THSD7B: variants seen among roughly 807,000 people sequenced by gnomAD.
The protein encoded by THSD7B is thrombospondin type-1 domain-containing protein 7B.
In THSD7B, 138 loss-of-function variants were observed where a neutral mutation model predicts 213.6. That is an observed-to-expected ratio of 0.65 (90% confidence interval 0.56 to 0.74). THSD7B has a LOEUF of 0.74. Among genes scored for constraint, THSD7B ranks in the 30% least tolerant of loss-of-function variants. The probability of loss-of-function intolerance (pLI) is 0.00; values close to 1 mark genes in which losing one functional copy is unlikely to be tolerated. For missense variants in THSD7B, 1,931 were observed against 1,991.5 expected (o/e 0.97, Z 0.58); for synonymous variants, 742 against 687.0 (o/e 1.08, Z -1.25).
intron 2 of THSD7B, among the ~76,000 whole-genome samples, chr2:137,053,682 T>G (rs1327959207): frequency 6.6e-6 from 1 of 152,156 alleles, no homozygotes; most frequent in Non-Finnish European, 1.5e-5. Context: ...TTTTGAAGAT[T>G]GACCAGAAAT....
intron 15 of THSD7B, among the ~76,000 whole-genome samples, chr2:137,536,754 C>A (rs1680514784): frequency 1.3e-5 from 2 of 151,388 alleles, no homozygotes; most frequent in South Asian, 4.2e-4. Flanking sequence ...ATTCAAATTT[C>A]CATATCTAAT....
chr2:137,289,561 GAC>G (rs151187209), intron 12 of THSD7B, among the ~76,000 whole-genome samples: 3,401 of 152,156 alleles, frequency 0.022, 53 homozygotes, highest in East Asian at 0.052. Context: ...TGTAAACAAA[GAC>G]AGAAAAATGA....
chr2:137,541,203 G>A (rs1016283036), intron 15 of THSD7B, among the ~76,000 whole-genome samples: 1 of 151,444 alleles, frequency 6.6e-6, no homozygotes, highest in South Asian at 2.1e-4. Context: ...ATAACAAATA[G>A]CAACAACAAC....
intron 12 of THSD7B, among the ~76,000 whole-genome samples, chr2:137,289,650 A>G (rs1683276040): frequency 6.6e-6 from 1 of 152,136 alleles, no homozygotes; most frequent in Admixed American, 6.5e-5. Flanking sequence ...TTAAATAATA[A>G]TTTTGGGACT....
At chr2:136,972,950 C>T (rs1685427325) in intron 2 of THSD7B, among the ~76,000 whole-genome samples, 1 of 152,112 alleles carries the variant, frequency 6.6e-6, no homozygotes, top group South Asian at 2.1e-4. Flanking sequence ...CTTCTCTCTT[C>T]TCCTCACTCC....
chr2:137,546,361 AT>A lies in THSD7B; in HGVS notation c.3139-16858del, dbSNP rs555282190. ...AGTATTGAAGTCAGCATATATATATATTATATATATATATAATATATATATT... is the reference window on the plus strand; with the variant it reads ...AGTATTGAAGTCAGCATATATATATATATATATATATATAATATATATATT... On this transcript the variant is annotated intron_variant, in intron 15 of 27. Coordinates refer to ENST00000409968, the MANE Select transcript of THSD7B (RefSeq NM_001316349.2). 1.1e-3 allele frequency among the ~76,000 whole-genome samples: 63 copies of A among 56,836 alleles called. 5 individuals carry two copies. The East Asian group carries it at 0.013, about 12-fold the overall frequency. 37.3% of individuals were successfully genotyped at this position (56,836 alleles called of 152,430 possible). A position where few individuals can be genotyped will look rare whatever the true frequency, so the allele number is the denominator to read the frequency against.
At chr2:137,331,975 C>T (rs1193180316) in intron 12 of THSD7B, among the ~76,000 whole-genome samples, 2 of 152,178 alleles carry the variant, frequency 1.3e-5, no homozygotes, top group African/African-American at 4.8e-5. Context: ...CCCCGGTTCC[C>T]ACTCGCGCCT....
rs72617060 is a variant in THSD7B, at chr2:137,275,842, T to G, written c.2397-81T>G. ...ATTGAATTACTGTCTTTACTTTTTT[T>G]AAACTTCAAACATATGTAAGTATTT... On this transcript the variant is annotated intron_variant, in intron 11 of 27. Coordinates refer to ENST00000409968, the MANE Select transcript of THSD7B (RefSeq NM_001316349.2). 10 of 1,079,204 alleles carry G rather than the reference T, an allele frequency of 9.3e-6. No homozygotes were observed. The African/African-American group carries it at 1.3e-4, about 14-fold the overall frequency. The allele number at this position is 1,079,204 out of a possible 1,614,324, so 66.9% of individuals were successfully genotyped here.
At chr2:136,890,431 T>C (rs1364297194) in intron 2 of THSD7B, among the ~76,000 whole-genome samples, 1 of 4,008 alleles carries the variant, frequency 2.5e-4, no homozygotes, top group African/African-American at 5.6e-4. Flanking sequence ...CTTCTTCTTC[T>C]TCTTCTTCTT....
intron 21 of THSD7B, 139 bp downstream of exon 21, chr2:137,642,772 TG>T (rs1437978487): frequency 2.9e-6 from 3 of 1,038,960 alleles, no homozygotes; most frequent in Non-Finnish European, 4.1e-6. Context: ...ATGCAGAACA[TG>T]GAAAAATACA....
chr2:137,130,450 C>T (rs909203438), intron 5 of THSD7B, among the ~76,000 whole-genome samples: 2 of 151,788 alleles, frequency 1.3e-5, no homozygotes, highest in African/African-American at 4.8e-5. Context: ...CATATGTATA[C>T]ATGTGTCATG....
At chr2:137,412,893 C>CTT (rs59348687) in intron 14 of THSD7B, among the ~76,000 whole-genome samples, 359 of 140,164 alleles carry the variant, frequency 2.6e-3, no homozygotes, top group African/African-American at 8.2e-3. Context: ...TTCTTTCTTT[C>CTT]TTTTTTTTTT....
At chr2:137,159,859 G>A (rs572862247) in intron 5 of THSD7B, among the ~76,000 whole-genome samples, 1 of 152,246 alleles carries the variant, frequency 6.6e-6, no homozygotes, top group South Asian at 2.1e-4. Flanking sequence ...TTATATAGAT[G>A]AGATAGACTC....
chr2:137,165,833 G>A (rs1418464993), intron 6 of THSD7B, among the ~76,000 whole-genome samples: 4 of 151,624 alleles, frequency 2.6e-5, no homozygotes, highest in Admixed American at 6.6e-5. Context: ...TAAGAGAAAA[G>A]CAAGCAAACA....
intron 7 of THSD7B, among the ~76,000 whole-genome samples, chr2:137,226,628 G>C (rs1681510392): frequency 6.6e-6 from 1 of 151,734 alleles, no homozygotes; most frequent in Non-Finnish European, 1.5e-5. Flanking sequence ...TAGAAGAGTA[G>C]TGTGAACTGT....
intron 12 of THSD7B, among the ~76,000 whole-genome samples, chr2:137,395,949 A>G (rs1007762287): frequency 5.3e-5 from 8 of 152,038 alleles, no homozygotes; most frequent in African/African-American, 9.6e-5. Context: ...GTTTATTTGC[A>G]TAGAGGTGTT....
chr2:136,847,002 T>G (rs896017755), intron 1 of THSD7B, among the ~76,000 whole-genome samples: 1 of 152,126 alleles, frequency 6.6e-6, no homozygotes, highest in African/African-American at 2.4e-5. Context: ...TGAAAAATCT[T>G]TCATTGAATA....
chr2:137,374,732 A>G (rs1443168396), intron 12 of THSD7B, among the ~76,000 whole-genome samples: 1 of 152,242 alleles, frequency 6.6e-6, no homozygotes, highest in African/African-American at 2.4e-5. Context: ...ACCACAGATT[A>G]CAACAATACA....
chr2:137,046,010 A>G (rs1686963415), intron 2 of THSD7B, among the ~76,000 whole-genome samples: 1 of 150,122 alleles, frequency 6.7e-6, no homozygotes, highest in African/African-American at 2.4e-5. Context: ...TTTTCTCTTC[A>G]ACTTTTTTTT....
Sources: allele counts gnomAD v4.1 joint callset (sites outside exome capture counted in the v4.1 genomes callset), GRCh38; gene constraint gnomAD v4.1.1; transcripts MANE v1.5; gene names NCBI Gene and HGNC (gene_info 2026-07-23, HGNC 2026-07-21).